THSD4: variants seen among roughly 807,000 people sequenced by gnomAD.
THSD4 encodes thrombospondin type-1 domain-containing protein 4.
In THSD4, 69 loss-of-function variants were observed where a neutral mutation model predicts 119.0. The observed-to-expected ratio is 0.58, with a 90% CI of 0.48 to 0.71. THSD4 has a LOEUF of 0.71. Ranked by LOEUF, THSD4 falls within the 30% of genes least tolerant of loss-of-function variation. The probability of loss-of-function intolerance (pLI) is 0.00; values close to 1 mark genes in which losing one functional copy is unlikely to be tolerated. For synonymous variants in THSD4, 524 were observed against 540.4 expected (o/e 0.97, Z 0.42); for missense variants, 1,393 against 1,391.1 (o/e 1.00, Z -0.02).
intron 6 of THSD4, among the ~76,000 whole-genome samples, chr15:71,286,869 A>G (rs1008024688): frequency 1.3e-5 from 2 of 152,116 alleles, no homozygotes; most frequent in African/African-American, 2.4e-5. Flanking sequence ...TTGGTGTCTC[A>G]TTGTGGCTTT....
At chr15:71,727,252 G>A (rs8042236) in intron 8 of THSD4, among the ~76,000 whole-genome samples, 34,262 of 151,798 alleles carry the variant, frequency 0.23, 6,235 homozygotes, top group African/African-American at 0.51. Flanking sequence ...TGCACGTGCG[G>A]TATCTAACAC....
intron 8 of THSD4, among the ~76,000 whole-genome samples, chr15:71,718,170 G>A (rs2052645712): frequency 6.7e-6 from 1 of 150,018 alleles, no homozygotes; most frequent in Admixed American, 6.6e-5. Context: ...AAAAAAGATT[G>A]CAAAAACTGG....
chr15:71,415,817 G>A (rs1012730774), intron 7 of THSD4, among the ~76,000 whole-genome samples: 3 of 151,992 alleles, frequency 2.0e-5, no homozygotes, highest in Non-Finnish European at 4.4e-5. Context: ...GTTTTTTTAA[G>A]ACGGAGTCTT....
At chr15:71,369,228 C>T (rs1393817060) in intron 6 of THSD4, among the ~76,000 whole-genome samples, 1 of 152,188 alleles carries the variant, frequency 6.6e-6, no homozygotes, top group African/African-American at 2.4e-5. Context: ...CATCTGCAAA[C>T]AGGAACAATT....
At chr15:71,593,659 GC>G (rs1225028706) in intron 7 of THSD4, among the ~76,000 whole-genome samples, 1 of 152,136 alleles carries the variant, frequency 6.6e-6, no homozygotes, top group African/African-American at 2.4e-5. Flanking sequence ...ACTTTGGGAG[GC>G]CGAGGTGGGT....
intron 14 of THSD4, among the ~76,000 whole-genome samples, chr15:71,751,269 C>T (rs895033434): frequency 1.3e-5 from 2 of 152,118 alleles, no homozygotes; most frequent in Non-Finnish European, 2.9e-5. Flanking sequence ...TGATGCTGGA[C>T]TTTCATTTTT....
chr15:71,417,579 C>G (rs2046774190), intron 7 of THSD4, among the ~76,000 whole-genome samples: 1 of 107,168 alleles, frequency 9.3e-6, no homozygotes, highest in Non-Finnish European at 2.0e-5. Flanking sequence ...GTTCTCTATT[C>G]TGTTCCATTG....
intron 6 of THSD4, among the ~76,000 whole-genome samples, chr15:71,336,778 C>CT (rs2045494396): frequency 6.6e-6 from 1 of 152,226 alleles, no homozygotes; most frequent in South Asian, 2.1e-4. Context: ...TAACCCCAAT[C>CT]TAATTTTTCT....
At chr15:71,340,623 T>TTTG (rs1222741191) in intron 6 of THSD4, among the ~76,000 whole-genome samples, 411 of 150,218 alleles carry the variant, frequency 2.7e-3, no homozygotes, top group African/African-American at 9.7e-3. Context: ...TTTTTTTTTT[T>TTTG]GCGACACAGT....
At chr15:71,364,258 C>T (rs1393001873) in intron 6 of THSD4, among the ~76,000 whole-genome samples, 3 of 152,208 alleles carry the variant, frequency 2.0e-5, no homozygotes, top group African/African-American at 7.2e-5. Flanking sequence ...TGCTACCCAT[C>T]GTTCTTGCAA....
intron 3 of THSD4, among the ~76,000 whole-genome samples, chr15:71,155,830 C>G (rs1231135745): frequency 2.6e-5 from 4 of 152,142 alleles, no homozygotes; most frequent in Admixed American, 1.3e-4. Context: ...AGATAAGAAC[C>G]TGGCCTTCTC....
chr15:71,605,828 AC>A (rs2050100063), intron 7 of THSD4, among the ~76,000 whole-genome samples: 1 of 152,210 alleles, frequency 6.6e-6, no homozygotes, highest in African/African-American at 2.4e-5. Context: ...CCAAGTGTAG[AC>A]AGAGGAGAGA....
chr15:71,337,037 G>C (rs2045497581), intron 6 of THSD4, among the ~76,000 whole-genome samples: 1 of 152,198 alleles, frequency 6.6e-6, no homozygotes, highest in Non-Finnish European at 1.5e-5. Context: ...GTGCGTGCAT[G>C]CATGTGCTTT....
intron 7 of THSD4, among the ~76,000 whole-genome samples, chr15:71,423,155 T>G (rs1259602903): frequency 1.2e-4 from 19 of 152,080 alleles, no homozygotes; most frequent in Non-Finnish European, 1.5e-5. Context: ...AATTAGGGAC[T>G]CCAAGAGCCC....
chr15:71,204,599 G>A (rs973598932), intron 3 of THSD4, among the ~76,000 whole-genome samples: 4 of 152,122 alleles, frequency 2.6e-5, no homozygotes, highest in East Asian at 1.9e-4. Context: ...CTGAGGTCCC[G>A]AGCCACAGAC....
intron 6 of THSD4, among the ~76,000 whole-genome samples, chr15:71,275,574 C>T (rs1424554447): frequency 6.6e-6 from 1 of 152,140 alleles, no homozygotes; most frequent in East Asian, 1.9e-4. Context: ...ACATTCAGCC[C>T]ATGCTTTATA....
intron 6 of THSD4, among the ~76,000 whole-genome samples, chr15:71,366,059 GT>G (rs1293552359): frequency 2.6e-5 from 4 of 151,846 alleles, no homozygotes; most frequent in Admixed American, 1.3e-4. Flanking sequence ...TGTGTCCCAG[GT>G]TTTTTTGTTT....
rs1204824827 is a variant in THSD4, at chr15:71,387,203, C to T, written c.1016-24484C>T. ...CTACCTGCTAGGCATAACTCATTAA[C>T]GTTAAAAAAAAAAACAGGCTGAGAG... On this transcript the variant is annotated intron_variant, in intron 6 of 17. Transcript: ENST00000261862. Among the ~76,000 whole-genome samples the T allele has an allele frequency of 4.7e-5, 7 of 148,252 alleles. No individual in the cohort carries two copies. The East Asian group carries it at 5.9e-4, about 13-fold the overall frequency.
At chr15:71,253,565 G>A (rs1385658398) in intron 5 of THSD4, among the ~76,000 whole-genome samples, 2 of 152,078 alleles carry the variant, frequency 1.3e-5, no homozygotes, top group South Asian at 4.2e-4. Flanking sequence ...ATGCCACCAT[G>A]CCCGGCTAAT....
Sources: allele counts gnomAD v4.1 joint callset (sites outside exome capture counted in the v4.1 genomes callset), GRCh38; gene constraint gnomAD v4.1.1; transcripts MANE v1.5; gene names NCBI Gene and HGNC (gene_info 2026-07-23, HGNC 2026-07-21).